Variants in PILRB observed in about 807,000 individuals in gnomAD.
PILRB encodes the protein paired immunoglobulin-like type 2 receptor beta.
PILRB carries 21 observed loss-of-function variants against 20.5 expected under a neutral mutation model. That is an observed-to-expected ratio of 1.02 (90% CI 0.72 to 1.47). The LOEUF (loss-of-function observed/expected upper bound fraction) is 1.47. PILRB is among the 40% of genes most tolerant of loss of function. PILRB has a pLI of 0.00. For synonymous variants in PILRB, 133 were observed against 115.1 expected, an observed-to-expected ratio of 1.16 and a Z score of -0.99; for missense variants, 253 against 272.1, an observed-to-expected ratio of 0.93 and a Z score of 0.49.
intron 1 of PILRB, 112 bp from the exon 2 acceptor site, chr7:100,358,570 GTCCAGCCA>G: frequency 7.2e-7 from 1 of 1,381,398 alleles, no homozygotes; most frequent in Non-Finnish European, 1.0e-6. Context: ...CCAGAGGTCA[GTCCAGCCA>G]CCTGTCACAC....
rs1054186988 is a variant in PILRB, at chr7:100,367,436, C to G, written c.*59C>G. Reference sequence around the variant, plus strand: ...GCCCCGGAGGACGTGATGTGAGACCCGCTTGTGAGTCCTCCACACTCGTTC... The same window carrying G: ...GCCCCGGAGGACGTGATGTGAGACCGGCTTGTGAGTCCTCCACACTCGTTC... On this transcript the variant is annotated 3_prime_UTR_variant, in exon 4 of 4. Coordinates refer to ENST00000609309, the MANE Select transcript of PILRB (RefSeq NM_178238.4). The G allele has an allele frequency of 1.3e-4, 99 of 777,872 alleles. No homozygotes were observed. Among genetic ancestry groups the G allele is most frequent in the Admixed American group, 5.1e-5 (3 of 58,934 alleles). 48.2% of individuals were successfully genotyped at this position (777,872 alleles called of 1,614,324 possible).
At chr7:100,359,750 C>T (rs992029662) in intron 3 of PILRB, among the ~76,000 whole-genome samples, 4 of 152,124 alleles carry the variant, frequency 2.6e-5, no homozygotes, top group Admixed American at 6.5e-5. Flanking sequence ...CCAGCCTGGG[C>T]GCGGTGGCTC....
intron 3 of PILRB, 128 bp from the exon 4 acceptor site, chr7:100,367,221 G>A (rs766902843): frequency 1.2e-6 from 1 of 818,944 alleles, no homozygotes; most frequent in Non-Finnish European, 2.2e-6. Flanking sequence ...AACCCCACAA[G>A]CCCAGCCTGC....
At chr7:100,361,487 T>G (rs1427994945) in intron 3 of PILRB, among the ~76,000 whole-genome samples, 1 of 151,952 alleles carries the variant, frequency 6.6e-6, no homozygotes, top group Non-Finnish European at 1.5e-5. Flanking sequence ...AGGTCAGGCG[T>G]TCAAGACCAG....
At chr7:100,366,914 C>G (rs528112114) in intron 3 of PILRB, among the ~76,000 whole-genome samples, 1 of 151,794 alleles carries the variant, frequency 6.6e-6, no homozygotes, top group African/African-American at 2.4e-5. Context: ...GAGAACAGGT[C>G]GGGGGGGAGC....
In PILRB at chr7:100,359,472, C is replaced by T. The variant is rs770257489; in HGVS notation, c.590C>T (p.Ala197Val). Residue 197 changes from alanine (A) to valine (V), a missense_variant, in exon 3 of 4, where the codon GCT becomes GTT. Ala to Val is a moderately conservative substitution (Grantham distance 64). Coordinates refer to ENST00000609309, the MANE Select transcript of PILRB (RefSeq NM_178238.4). ...DTAIRVALAV[A>V]VLKTVILGLL... ...GCCATCAGGGTTGCATTGGCTGTCGCTGTGCTCAAAACTGTCATTTTGGGA... is the reference window on the plus strand; with the variant it reads ...GCCATCAGGGTTGCATTGGCTGTCGTTGTGCTCAAAACTGTCATTTTGGGA... 11 of 1,614,008 alleles carry T rather than the reference C, an allele frequency of 6.8e-6. No individual in the cohort carries two copies. The East Asian group carries it at 2.5e-4, about 36-fold the overall frequency.
intron 3 of PILRB, among the ~76,000 whole-genome samples, chr7:100,367,118 C>G (rs537116381): frequency 3.3e-5 from 5 of 152,116 alleles, no homozygotes; most frequent in Non-Finnish European, 7.4e-5. Context: ...AAGCCACAAC[C>G]CCAGCCAGCT....
At position 100,358,329 on chromosome 7, in the gene PILRB, G is replaced by A. The variant is rs1268812410; in HGVS notation, c.27G>A (p.Leu9=). 1.2e-6 allele frequency: 2 copies of A among 1,612,852 alleles called. No individual in the cohort carries two copies. Among genetic ancestry groups the A allele is most frequent in the East Asian group, 2.2e-5 (1 of 44,886 alleles). Residue 9 remains leucine, a synonymous_variant, in exon 1 of 4, where the codon CTG becomes CTA. Transcript: ENST00000609309. MGRPLLLP[L]LLLLQPPAFL... is the part of the protein sequence containing the mutation. The stretch of plus-strand genomic sequence containing the variant: ...TGGGTCGGCCCCTGCTGCTGCCCCT[G>A]CTGCTCCTGCTGCAGCCGCCAGCAT...
In PILRB at chr7:100,367,475, T is replaced by C; in HGVS notation, c.*98T>C. 2 of 761,088 alleles carry C rather than the reference T, an allele frequency of 2.6e-6. No homozygotes were observed. The highest frequency in any genetic ancestry group is 5.0e-6 in the Non-Finnish European group (2 of 402,548). 47.1% of individuals were successfully genotyped at this position (761,088 alleles called of 1,614,324 possible). ...CCACACTCGTTCCCCATTGGCAAGA[T>C]ACATGGAGAGCACCCTGAGGACCTT... On this transcript the variant is annotated 3_prime_UTR_variant, in exon 4 of 4. Transcript: ENST00000609309.
At chr7:100,361,080 C>T (rs147232258) in intron 3 of PILRB, among the ~76,000 whole-genome samples, 76 of 152,182 alleles carry the variant, frequency 5.0e-4, no homozygotes, top group South Asian at 3.7e-3. Context: ...GGACTACAGG[C>T]GCCCGCCACC....
intron 3 of PILRB, among the ~76,000 whole-genome samples, chr7:100,361,316 C>G (rs2130105383): frequency 6.6e-6 from 1 of 152,276 alleles, no homozygotes; most frequent in East Asian, 1.9e-4. Context: ...TACACATTTC[C>G]AGTTCAAAAG....
At position 100,359,593 on chromosome 7, in the gene PILRB, G is replaced by A. The variant is rs1454910979; in HGVS notation, c.655+56G>A. 6.1e-6 allele frequency: 9 copies of A among 1,465,204 alleles called. No individual in the cohort carries two copies. In the African/African-American group the frequency reaches 1.3e-4, roughly 20 times the overall value. 90.8% of individuals were successfully genotyped at this position (1,465,204 alleles called of 1,614,324 possible). ...GCTTCCCAGCTGGGGGTTTCTCTGAGCCCACCTGCAGCTAAGGGACTTCAG... is the reference window on the plus strand; with the variant it reads ...GCTTCCCAGCTGGGGGTTTCTCTGAACCCACCTGCAGCTAAGGGACTTCAG... On this transcript the variant is annotated intron_variant, in intron 3 of 3. Coordinates refer to ENST00000609309, the MANE Select transcript of PILRB (RefSeq NM_178238.4).
chr7:100,359,634 G>C (rs1790472448), intron 3 of PILRB, 97 bp downstream of exon 3: 4 of 1,065,668 alleles, frequency 3.8e-6, no homozygotes, highest in Non-Finnish European at 5.6e-6. Flanking sequence ...TGCAGACCCT[G>C]CTGGCTCCCC....
chr7:100,359,395 G>T lies in PILRB; in HGVS notation c.513G>T (p.Arg171Ser). 6.2e-7 allele frequency: 1 copy of T among 1,614,100 alleles called. No homozygotes were observed. The highest frequency in any genetic ancestry group is 8.5e-7 in the Non-Finnish European group (1 of 1,180,024). The change falls in exon 3 of 4, where the codon AGG (arginine) becomes AGT (serine). Residue 171 changes from arginine to serine, a missense_variant. By Grantham distance (110) the Arg-to-Ser change is moderately radical (BLOSUM62 -1). Coordinates refer to ENST00000609309, the MANE Select transcript of PILRB (RefSeq NM_178238.4). Reference protein sequence around the residue: ...PSSTTTIAGLRVTESKGHSES... With the variant: ...PSSTTTIAGLSVTESKGHSES... Reference sequence around the variant, plus strand: ...GCACAACCACCATAGCCGGCCTCAGGGTCACAGAAAGCAAAGGGCACTCAG... The same window carrying T: ...GCACAACCACCATAGCCGGCCTCAGTGTCACAGAAAGCAAAGGGCACTCAG...
intron 3 of PILRB, among the ~76,000 whole-genome samples, chr7:100,361,232 G>A (rs550147435): frequency 2.6e-5 from 4 of 152,118 alleles, no homozygotes; most frequent in Admixed American, 6.5e-5. Flanking sequence ...ACCGCACCCG[G>A]CCAGTTTGGA....
At chr7:100,360,228 C>T (rs960294077) in intron 3 of PILRB, among the ~76,000 whole-genome samples, 3 of 152,214 alleles carry the variant, frequency 2.0e-5, no homozygotes, top group East Asian at 1.9e-4. Flanking sequence ...CCTCCTGCCA[C>T]GGCCTGGCTT....
chr7:100,359,007 G>T lies in PILRB; in HGVS notation c.382G>T (p.Glu128Ter), dbSNP rs750745714. 6.2e-7 allele frequency: 1 copy of T among 1,613,966 alleles called. No homozygotes were observed. The highest frequency in any genetic ancestry group is 2.2e-5 in the East Asian group (1 of 44,892). ...CCAGTCTGTGTATTTCTGCCGAGTC[G>T]AGCTGGACACCCGGAGATCAGGGAG... ...EDQSVYFCRV[E>*]LDTRRSGRQQ... Residue 128 changes from glutamate (E) to a stop codon, truncating the protein, a stop_gained, in exon 2 of 4, where the codon GAG becomes TAG. Coordinates refer to ENST00000609309, the MANE Select transcript of PILRB (RefSeq NM_178238.4). LOFTEE classifies it high-confidence loss of function.
Position 100,367,568 on chromosome 7 carries a change from A to G in PILRB, c.*191A>G, listed in dbSNP as rs572960085. 534 of 605,800 alleles carry G rather than the reference A, an allele frequency of 8.8e-4. 7 individuals carry two copies. The South Asian group carries it at 0.01, about 12-fold the overall frequency. The allele number at this position is 605,800 out of a possible 1,614,324, so 37.5% of individuals were successfully genotyped here. The stretch of plus-strand genomic sequence containing the variant: ...ATCACCGACTGGAGGAGAGTTACCT[A>G]CAAGAGCCTTCATCCAGGAGCATCC... On this transcript the variant is annotated 3_prime_UTR_variant, in exon 4 of 4. Transcript: ENST00000609309.
At chr7:100,362,906 CT>C (rs1790570625) in intron 3 of PILRB, among the ~76,000 whole-genome samples, 1 of 152,052 alleles carries the variant, frequency 6.6e-6, no homozygotes, top group Admixed American at 6.6e-5. Flanking sequence ...GGCTGAAAGT[CT>C]TTCAGTCATT....
Sources: allele counts gnomAD v4.1 joint callset (sites outside exome capture counted in the v4.1 genomes callset), GRCh38; gene constraint gnomAD v4.1.1; transcripts MANE v1.5; gene names NCBI Gene and HGNC (gene_info 2026-07-23, HGNC 2026-07-21).